CDYL: variants seen among roughly 807,000 people sequenced by gnomAD.
CDYL encodes the protein chromodomain Y-like protein.
In CDYL, 8 loss-of-function variants were observed where a neutral mutation model predicts 47.3. The observed-to-expected ratio is 0.17, with a 90% CI of 0.10 to 0.31. The LOEUF (loss-of-function observed/expected upper bound fraction) is 0.31, where lower values mean the gene tolerates loss of function less well. CDYL is among the 10% of genes least tolerant of loss of function. The probability of loss-of-function intolerance (pLI) is 1.00; values close to 1 mark genes in which losing one functional copy is unlikely to be tolerated. For synonymous variants in CDYL, 266 were observed against 265.0 expected (o/e 1.00, Z -0.04); for missense variants, 471 against 701.4 (o/e 0.67, Z 3.71).
intron 1 of CDYL, among the ~76,000 whole-genome samples, chr6:4,826,305 C>T (rs1184390896): frequency 1.3e-5 from 2 of 152,124 alleles, no homozygotes; most frequent in African/African-American, 4.8e-5. Context: ...CTTCAAATAA[C>T]CAACTCTTAA....
intron 3 of CDYL, among the ~76,000 whole-genome samples, chr6:4,767,694 C>G (rs1268646835): frequency 6.6e-6 from 1 of 152,066 alleles, no homozygotes; most frequent in Non-Finnish European, 1.5e-5. Context: ...AAATATCATC[C>G]CTAATGGTAA....
chr6:4,715,689 G>A, intron 1 of CDYL: 1 of 1,529,472 alleles, frequency 6.5e-7, no homozygotes, highest in Non-Finnish European at 8.8e-7. Flanking sequence ...TGAGCCTTGG[G>A]TTTTTTCCCA....
intron 1 of CDYL, among the ~76,000 whole-genome samples, chr6:4,868,269 G>C (rs1181935687): frequency 6.6e-6 from 1 of 151,568 alleles, no homozygotes; most frequent in African/African-American, 2.4e-5. Flanking sequence ...GCACTACATT[G>C]GCTACATTTC....
chr6:4,755,936 A>G (rs1006741450), intron 3 of CDYL, among the ~76,000 whole-genome samples: 2 of 152,096 alleles, frequency 1.3e-5, no homozygotes, highest in African/African-American at 2.4e-5. Context: ...ATTTTTGCCT[A>G]TGGTACCGTA....
chr6:4,862,369 G>A (rs1226776441), intron 1 of CDYL, among the ~76,000 whole-genome samples: 2 of 152,160 alleles, frequency 1.3e-5, no homozygotes. Flanking sequence ...TATAAAGTAG[G>A]CTTTAAGCCC....
intron 1 of CDYL, among the ~76,000 whole-genome samples, chr6:4,846,414 A>G (rs559956802): frequency 1.3e-5 from 2 of 152,362 alleles, no homozygotes; most frequent in African/African-American, 4.8e-5. Context: ...CAAACAATCA[A>G]AACAATAAAA....
chr6:4,722,177 C>T (rs909788897), intron 2 of CDYL, among the ~76,000 whole-genome samples: 1 of 152,100 alleles, frequency 6.6e-6, no homozygotes, highest in Non-Finnish European at 1.5e-5. Context: ...TAATAAACAA[C>T]TTCAGAGGCC....
intron 1 of CDYL, among the ~76,000 whole-genome samples, chr6:4,880,630 T>C (rs1761738699): frequency 1.3e-5 from 2 of 152,260 alleles, no homozygotes; most frequent in Non-Finnish European, 2.9e-5. Flanking sequence ...CCGAAGTGGC[T>C]GTGCCATTTG....
At chr6:4,797,044 A>G (rs140670057) in intron 1 of CDYL, among the ~76,000 whole-genome samples, 113 of 152,330 alleles carry the variant, frequency 7.4e-4, no homozygotes, top group South Asian at 3.1e-3. Flanking sequence ...AAATTATTCA[A>G]TAATTTCTCC....
chr6:4,768,457 T>G (rs395180), intron 3 of CDYL, among the ~76,000 whole-genome samples: 1 of 151,916 alleles, frequency 6.6e-6, no homozygotes, highest in Non-Finnish European at 1.5e-5. Context: ...ATGTCAAAGA[T>G]GCACAGAAGT....
At chr6:4,725,302 G>A (rs919375120) in intron 2 of CDYL, among the ~76,000 whole-genome samples, 1 of 152,262 alleles carries the variant, frequency 6.6e-6, no homozygotes, top group Non-Finnish European at 1.5e-5. Flanking sequence ...AGGTGGAGCT[G>A]CCTGCCAGTC....
intron 1 of CDYL, among the ~76,000 whole-genome samples, chr6:4,860,900 C>T (rs1355067421): frequency 6.6e-6 from 1 of 152,014 alleles, no homozygotes; most frequent in African/African-American, 2.4e-5. Flanking sequence ...TTGTGCCCAC[C>T]AGATGAAGGG....
In CDYL at chr6:4,862,629, G is replaced by A. The variant is rs183938608; in HGVS notation, c.25-29084G>A. Among the ~76,000 whole-genome samples the A allele has an allele frequency of 8.5e-5, 13 of 152,304 alleles. No individual in the cohort carries two copies. The East Asian group carries it at 2.5e-3, about 29-fold the overall frequency. ...ATGTGAATGCCCACTATAGCTATTA[G>A]TGTGCTAGGTCTACAACATTTTCAC... On this transcript the variant is annotated intron_variant, in intron 1 of 6. Coordinates refer to ENST00000397588, the MANE Select transcript of CDYL (RefSeq NM_004824.4).
intron 5 of CDYL, among the ~76,000 whole-genome samples, chr6:4,949,643 T>C (rs1330464397): frequency 6.6e-6 from 1 of 152,260 alleles, no homozygotes; most frequent in Non-Finnish European, 1.5e-5. Context: ...ACGTGCTAGC[T>C]GGTCAGGTTC....
chr6:4,772,150 G>A (rs970306305), upstream of CDYL, among the ~76,000 whole-genome samples: 5 of 152,152 alleles, frequency 3.3e-5, no homozygotes, highest in African/African-American at 4.8e-5. Context: ...GATGAGCTCC[G>A]GCCAGTGATG....
intron 5 of CDYL, among the ~76,000 whole-genome samples, chr6:4,949,635 G>A (rs11969290): frequency 1.3e-5 from 2 of 152,240 alleles, no homozygotes; most frequent in Admixed American, 1.3e-4. Context: ...TCAGAGCAAC[G>A]TGCTAGCTGG....
chr6:4,739,559 C>T (rs936883459), intron 3 of CDYL, among the ~76,000 whole-genome samples: 11 of 149,552 alleles, frequency 7.4e-5, no homozygotes, highest in East Asian at 2.0e-4. Flanking sequence ...AAAAATGCCA[C>T]GGATAGTTTT....
intron 1 of CDYL, among the ~76,000 whole-genome samples, chr6:4,821,260 CTTTTTTTTTTTTTTTTTT>C (rs1176819548): frequency 1.7e-5 from 1 of 60,384 alleles, no homozygotes; most frequent in African/African-American, 7.2e-5. Context: ...TATGGGAATT[CTTTTTTTTTTTTTTTTTT>C]TTTTTTTTTT....
Position 4,892,015 on chromosome 6 carries a change from C to T in CDYL, c.327C>T (p.Asn109=), listed in dbSNP as rs1762059512. Residue 109 remains asparagine, a synonymous_variant, in exon 2 of 7, where the codon AAC becomes AAT. Coordinates refer to ENST00000397588, the MANE Select transcript of CDYL (RefSeq NM_004824.4). ...TTGGGAAAGACCACGAATCCAAAAACAGCCAGCTGTTTGCTGCCAGCCAGA... is the reference window on the plus strand; with the variant it reads ...TTGGGAAAGACCACGAATCCAAAAATAGCCAGCTGTTTGCTGCCAGCCAGA... ...LVIGKDHESK[N]SQLFAASQKF... 1 of 1,614,206 alleles carries T rather than the reference C, an allele frequency of 6.2e-7. No individual in the cohort carries two copies. The highest frequency in any genetic ancestry group is 8.5e-7 in the Non-Finnish European group (1 of 1,180,034).
Sources: allele counts gnomAD v4.1 joint callset (sites outside exome capture counted in the v4.1 genomes callset), GRCh38; gene constraint gnomAD v4.1.1; transcripts MANE v1.5; gene names NCBI Gene and HGNC (gene_info 2026-07-23, HGNC 2026-07-21).